The following INTS15 variants were observed in gnomAD, a reference collection of about 807,000 sequenced individuals.
The protein encoded by INTS15 is integrator complex subunit 15.
At chr7:6,606,194 T>C in the INTS15 span, among the ~76,000 whole-genome samples, 1 of 152,218 alleles carries the variant, frequency 6.6e-6, no homozygotes, top group African/African-American at 2.4e-5. Flanking sequence ...TACCCAGGGT[T>C]ATTTAATAGT....
the INTS15 span, chr7:6,608,067 T>C: frequency 1.3e-6 from 2 of 1,592,458 alleles, no homozygotes; most frequent in South Asian, 1.1e-5. Flanking sequence ...TACGGGGCTG[T>C]CCCGGCCCAC....
At chr7:6,608,220 G>GAGA in the INTS15 span, 1 of 1,529,792 alleles carries the variant, frequency 6.5e-7, no homozygotes. Flanking sequence ...GATGGAAGGG[G>GAGA]TGGCCGGACT....
chr7:6,594,538 C>T, the INTS15 span: 1 of 1,614,124 alleles, frequency 6.2e-7, no homozygotes, highest in Non-Finnish European at 8.5e-7. Flanking sequence ...ATATTCAGTG[C>T]CAGCCCGAGA....
the INTS15 span, chr7:6,599,902 C>T: frequency 1.2e-6 from 2 of 1,614,206 alleles, no homozygotes; most frequent in Non-Finnish European, 8.5e-7. Flanking sequence ...GGTTGATTCT[C>T]ATCACTTTTT....
At chr7:6,608,642 C>A in the INTS15 span, 2 of 490,840 alleles carry the variant, frequency 4.1e-6, no homozygotes, top group Non-Finnish European at 5.3e-6. Flanking sequence ...AGGAATTCCC[C>A]TCACCTCGGA....
chr7:6,598,735 T>TTTTGTGTGTGTGTGTG, the INTS15 span, among the ~76,000 whole-genome samples: 2 of 83,618 alleles, frequency 2.4e-5, no homozygotes, highest in African/African-American at 1.0e-4. Flanking sequence ...GCTGTATGCT[T>TTTTGTGTGTGTGTGTG]TGTGTGTGTG....
chr7:6,598,485 A>AAG, the INTS15 span, among the ~76,000 whole-genome samples: 2 of 148,904 alleles, frequency 1.3e-5, no homozygotes, highest in Admixed American at 6.7e-5. Flanking sequence ...AAAAAAAAAA[A>AAG]GGCACACAGG....
At chr7:6,602,250 C>G in the INTS15 span, 34,275 of 819,788 alleles carry the variant, frequency 0.042, 1,492 homozygotes, top group African/African-American at 0.18. Flanking sequence ...GCCCAGTAAG[C>G]ACATGATGAT....
At chr7:6,607,678 G>A in the INTS15 span, 1 of 1,518,902 alleles carries the variant, frequency 6.6e-7, no homozygotes, top group East Asian at 2.6e-5. The surrounding 1 kb of genome is among the most constrained non-coding windows in gnomAD (Gnocchi z 6.0). Context: ...AGCCGCAGAG[G>A]CTGACGTGGA....
chr7:6,599,231 G>A, the INTS15 span, among the ~76,000 whole-genome samples: 1 of 152,182 alleles, frequency 6.6e-6, no homozygotes, highest in Admixed American at 6.5e-5. Flanking sequence ...CTCATAGGAA[G>A]CCCAGACTAA....
At chr7:6,597,265 T>C in the INTS15 span, among the ~76,000 whole-genome samples, 2 of 151,612 alleles carry the variant, frequency 1.3e-5, no homozygotes, top group African/African-American at 4.8e-5. Context: ...AAGATTTCAC[T>C]GAACCCAGCT....
At chr7:6,606,686 C>T in the INTS15 span, among the ~76,000 whole-genome samples, 1 of 143,754 alleles carries the variant, frequency 7.0e-6, no homozygotes, top group African/African-American at 2.5e-5. Flanking sequence ...GGGAAGGGCC[C>T]CAGAGGGCCT....
At chr7:6,599,774 C>G in the INTS15 span, 5 of 1,558,878 alleles carry the variant, frequency 3.2e-6, no homozygotes, top group Non-Finnish European at 4.4e-6. Flanking sequence ...TCTCCACTTC[C>G]CGCCCCTGTC....
the INTS15 span, among the ~76,000 whole-genome samples, chr7:6,605,517 G>T: frequency 1.3e-5 from 2 of 152,020 alleles, no homozygotes; most frequent in East Asian, 3.9e-4. Context: ...CCACATTAGA[G>T]CCCCCCAGAA....
chr7:6,605,914 G>A, the INTS15 span, among the ~76,000 whole-genome samples: 1 of 151,476 alleles, frequency 6.6e-6, no homozygotes, highest in Non-Finnish European at 1.5e-5. Context: ...GGCCAGGCTG[G>A]CCTCGAACTC....
the INTS15 span, among the ~76,000 whole-genome samples, chr7:6,605,080 C>T: frequency 3.3e-5 from 5 of 152,146 alleles, no homozygotes; most frequent in South Asian, 4.1e-4. Flanking sequence ...GCAACCTCCG[C>T]GTCCTGGATT....
At chr7:6,602,047 T>C in the INTS15 span, 2 of 1,507,194 alleles carry the variant, frequency 1.3e-6, no homozygotes, top group South Asian at 1.1e-5. Flanking sequence ...TCAGTGTGTA[T>C]TTCACCGTGT....
chr7:6,606,385 CAGAG>C, the INTS15 span, among the ~76,000 whole-genome samples: 49,547 of 151,796 alleles, frequency 0.33, 9,688 homozygotes, highest in Non-Finnish European at 0.45. Context: ...GGGGAGTAGA[CAGAG>C]AGCAGGCAGG....
the INTS15 span, chr7:6,594,300 T>C: frequency 7.7e-5 from 66 of 858,742 alleles, no homozygotes; most frequent in African/African-American, 3.0e-4. Context: ...GCCACCACAC[T>C]CGGCCCCATT....
Sources: gnomAD v4.1 joint callset for allele counts (sites outside exome capture counted in the v4.1 genomes callset) on GRCh38, gnomAD v4.1.1 for gene constraint, Gnocchi (gnomAD v3.1) non-coding constraint, MANE v1.5 for transcripts, NCBI Gene and HGNC (gene_info 2026-07-23, HGNC 2026-07-21) for gene names.